Variants in KDM4C observed in about 807,000 individuals in gnomAD.
KDM4C encodes the protein lysine demethylase 4C.
Under a neutral mutation model 129.3 loss-of-function variants are expected in KDM4C, and 81 were observed. That is an observed-to-expected ratio of 0.63 (90% CI 0.52 to 0.75). KDM4C has a LOEUF of 0.75. Ranked by LOEUF, KDM4C falls within the 30% of genes least tolerant of loss-of-function variation. The pLI is 0.00. For synonymous variants in KDM4C, 573 were observed against 456.1 expected, an observed-to-expected ratio of 1.26 and a Z score of -3.26; for missense variants, 1,457 against 1,304.0, an observed-to-expected ratio of 1.12 and a Z score of -1.81.
intron 17 of KDM4C, among the ~76,000 whole-genome samples, chr9:7,091,588 A>G (rs1451592266): frequency 6.6e-6 from 1 of 151,906 alleles, no homozygotes; most frequent in Non-Finnish European, 1.5e-5. Context: ...TAAAAAAATA[A>G]TTTACTAAAC....
intron 8 of KDM4C, among the ~76,000 whole-genome samples, chr9:6,941,321 A>G (rs1200738803): frequency 2.0e-5 from 3 of 151,986 alleles, no homozygotes; most frequent in Non-Finnish European, 4.4e-5. Flanking sequence ...TATTCACTGC[A>G]TGTATGTCTT....
chr9:7,024,583 GT>G (rs890396394), intron 15 of KDM4C, among the ~76,000 whole-genome samples: 11 of 151,690 alleles, frequency 7.3e-5, no homozygotes, highest in Admixed American at 4.6e-4. Flanking sequence ...AACATGTGGT[GT>G]TTGGTTTTCT....
At chr9:7,140,004 G>C (rs1360503990) in intron 19 of KDM4C, among the ~76,000 whole-genome samples, 4 of 152,190 alleles carry the variant, frequency 2.6e-5, no homozygotes, top group African/African-American at 7.2e-5. Flanking sequence ...CACATGGGCA[G>C]CTTCACCTCT....
chr9:7,001,784 AG>A (rs1820767327), intron 12 of KDM4C, among the ~76,000 whole-genome samples: 1 of 151,598 alleles, frequency 6.6e-6, no homozygotes, highest in South Asian at 2.1e-4. Flanking sequence ...GCATCATGCT[AG>A]TGTTAATAGT....
intron 19 of KDM4C, among the ~76,000 whole-genome samples, chr9:7,157,426 T>C (rs1843305107): frequency 6.6e-6 from 1 of 152,218 alleles, no homozygotes; most frequent in East Asian, 1.9e-4. Context: ...ATCCTTGTCT[T>C]GTGCCGCTTT....
intron 8 of KDM4C, among the ~76,000 whole-genome samples, chr9:6,932,714 G>C (rs1288346146): frequency 6.6e-6 from 1 of 152,150 alleles, no homozygotes; most frequent in Admixed American, 6.5e-5. Flanking sequence ...TCTGACCCCT[G>C]GGATGATTTT....
At chr9:6,887,872 A>T (rs891598598) in intron 6 of KDM4C, 88 bp from the exon 7 acceptor site, 1 of 808,380 alleles carries the variant, frequency 1.2e-6, no homozygotes, top group African/African-American at 1.7e-5. Flanking sequence ...TCAAACAGTA[A>T]GAACACTAGA....
intron 1 of KDM4C, among the ~76,000 whole-genome samples, chr9:6,738,845 A>G (rs567995797): frequency 6.7e-6 from 1 of 150,250 alleles, no homozygotes; most frequent in African/African-American, 2.4e-5. Context: ...GTGATCCACC[A>G]AAGTGCTGGG....
At chr9:6,743,088 G>A (rs1159173914) in intron 1 of KDM4C, among the ~76,000 whole-genome samples, 1 of 152,122 alleles carries the variant, frequency 6.6e-6, no homozygotes, top group Non-Finnish European at 1.5e-5. Context: ...GCTTTTAAGA[G>A]ACATCCTTGT....
intron 8 of KDM4C, among the ~76,000 whole-genome samples, chr9:6,944,721 C>A (rs898953997): frequency 1.7e-4 from 20 of 116,924 alleles, no homozygotes; most frequent in Non-Finnish European, 2.9e-4. Flanking sequence ...AACCATTGAT[C>A]TTAGGAAGAG....
At chr9:6,936,812 C>G (rs1824881094) in intron 8 of KDM4C, among the ~76,000 whole-genome samples, 1 of 152,176 alleles carries the variant, frequency 6.6e-6, no homozygotes. Context: ...AGCTAAGTAA[C>G]TTATCTCCTC....
intron 5 of KDM4C, among the ~76,000 whole-genome samples, chr9:6,859,797 G>T (rs537957609): frequency 2.7e-5 from 4 of 150,704 alleles, no homozygotes; most frequent in African/African-American, 9.7e-5. Context: ...CCTGAGATGC[G>T]GAGCTTGTAG....
intron 17 of KDM4C, among the ~76,000 whole-genome samples, chr9:7,072,968 T>C (rs1833410624): frequency 6.6e-6 from 1 of 152,100 alleles, no homozygotes; most frequent in Non-Finnish European, 1.5e-5. Flanking sequence ...CTCAGTGATG[T>C]AGGGAGAAGG....
chr9:6,909,843 A>G (rs1447734217), intron 8 of KDM4C, among the ~76,000 whole-genome samples: 1 of 152,198 alleles, frequency 6.6e-6, no homozygotes, highest in Non-Finnish European at 1.5e-5. Context: ...ATAGGGGAGT[A>G]TTTATTTGAT....
At chr9:7,097,180 G>C (rs570872013) in intron 17 of KDM4C, among the ~76,000 whole-genome samples, 1 of 152,100 alleles carries the variant, frequency 6.6e-6, no homozygotes, top group Non-Finnish European at 1.5e-5. Flanking sequence ...AACCCTGCTG[G>C]GTAGCTTCTC....
intron 1 of KDM4C, among the ~76,000 whole-genome samples, chr9:6,772,990 C>T (rs1361106421): frequency 2.6e-5 from 4 of 151,926 alleles, no homozygotes; most frequent in Admixed American, 2.6e-4. Flanking sequence ...GCCACAGTGC[C>T]TGGCTTTTCT....
At chr9:6,943,224 T>G (rs1826276215) in intron 8 of KDM4C, among the ~76,000 whole-genome samples, 1 of 152,170 alleles carries the variant, frequency 6.6e-6, no homozygotes, top group Non-Finnish European at 1.5e-5. Context: ...CCTCTGTTAT[T>G]CAAGTTGGAA....
Position 6,986,382 on chromosome 9 carries a change from A to C in KDM4C, c.1393A>C (p.Lys465Gln). 1 of 1,613,540 alleles carries C rather than the reference A, an allele frequency of 6.2e-7. No homozygotes were observed. The highest frequency in any genetic ancestry group is 8.5e-7 in the Non-Finnish European group (1 of 1,179,548). Residue 465 changes from lysine (K) to glutamine (Q), a missense_variant, in exon 11 of 22, where the codon AAA becomes CAA. Transcript: ENST00000381309. ...CLSTSVTEDI[K>Q]TEDDKAYAYR... ...AAGTACATCTGTAACAGAAGACATA[A>C]AAACTGAGGATGACAAAGCTTATGC...
At chr9:6,924,983 G>A (rs1822214161) in intron 8 of KDM4C, 11 of 985,298 alleles carry the variant, frequency 1.1e-5, no homozygotes, top group Non-Finnish European at 1.2e-5. Flanking sequence ...AAGTGTTGAT[G>A]TTTTGTATTA....
Sources: gnomAD v4.1 joint callset for allele counts (sites outside exome capture counted in the v4.1 genomes callset) on GRCh38, gnomAD v4.1.1 for gene constraint, MANE v1.5 for transcripts, NCBI Gene and HGNC (gene_info 2026-07-23, HGNC 2026-07-21) for gene names.